Variants in CLK2 observed in about 807,000 individuals in gnomAD.
CLK2 encodes dual specificity protein kinase CLK2.
A neutral mutation model predicts 73.5 loss-of-function variants in CLK2; 12 were observed. The ratio of observed to expected loss-of-function variants is 0.16; its 90% CI spans 0.10 to 0.26. The LOEUF (loss-of-function observed/expected upper bound fraction) is 0.26. CLK2 is among the 10% of genes least tolerant of loss of function. The pLI is 1.00. For synonymous variants in CLK2, 232 were observed against 237.9 expected, an observed-to-expected ratio of 0.98 and a Z score of 0.23; for missense variants, 509 against 688.4, an observed-to-expected ratio of 0.74 and a Z score of 2.92.
chr1:155,265,566 C>CAAATAAATAAATAAATAAATAAAT lies in CLK2; in HGVS notation c.933+270_933+293dup, dbSNP rs374400975. ...TGGGCAACAGAGTGAGACTCTGTCT[C>CAAATAAATAAATAAATAAATAAAT]AAATAAATAAATAAATAAATAAATA... On this transcript the variant is annotated intron_variant, in intron 8 of 12. Coordinates refer to ENST00000368361, the MANE Select transcript of CLK2 (RefSeq NM_001294338.2). Among the ~76,000 whole-genome samples, 331 of 106,488 alleles carry CAAATAAATAAATAAATAAATAAAT rather than the reference C, an allele frequency of 3.1e-3. 1 individual carries two copies. The highest frequency in any genetic ancestry group is 4.7e-3 in the Non-Finnish European group (229 of 48,776). 69.9% of individuals were successfully genotyped at this position (106,488 alleles called of 152,430 possible). A position where few individuals can be genotyped will look rare whatever the true frequency, so the allele number is the denominator to read the frequency against.
chr1:155,270,347 G>A (rs1673438580), intron 2 of CLK2, among the ~76,000 whole-genome samples: 2 of 152,212 alleles, frequency 1.3e-5, no homozygotes, highest in South Asian at 4.1e-4. Flanking sequence ...ACTCCAGCCT[G>A]GGCAACAGAG....
chr1:155,269,066 C>CGGAGA, intron 3 of CLK2: 2 of 591,170 alleles, frequency 3.4e-6, no homozygotes, highest in Non-Finnish European at 6.0e-6. Flanking sequence ...GCCAATGTCA[C>CGGAGA]CCACAACCCC....
chr1:155,264,920 T>C (rs1166846304), intron 8 of CLK2, 146 bp from the exon 9 acceptor site: 2 of 867,710 alleles, frequency 2.3e-6, no homozygotes, highest in Non-Finnish European at 3.5e-6. Flanking sequence ...TTTTACAGCT[T>C]CCACCACATC....
In CLK2 at chr1:155,268,115, C is replaced by T. The variant is rs201284792; in HGVS notation, c.566G>A (p.Arg189Gln). Residue 189 changes from arginine to glutamine, a missense_variant, in exon 6 of 13, where the codon CGA becomes CAA. Coordinates refer to ENST00000368361, the MANE Select transcript of CLK2 (RefSeq NM_001294338.2). This position sits in a 1 kb window ranked among gnomAD's most constrained non-coding sequence, Gnocchi z 5.6. ...ATTCTTAATGATCTTCAGGGCAACT[C>T]GAGCCCCACCCCTGTAAGTTGGCAG... Reference protein sequence around the residue: ...QCVDHRRGGARVALKIIKNVE... With the variant: ...QCVDHRRGGAQVALKIIKNVE... 61 of 1,613,914 alleles carry T rather than the reference C, an allele frequency of 3.8e-5. No individual in the cohort carries two copies. Among genetic ancestry groups the T allele is most frequent in the Middle Eastern group, 3.3e-4 (2 of 6,084 alleles).
In CLK2 at chr1:155,268,135, T is replaced by C. The variant is rs1572017577; in HGVS notation, c.555-9A>G. The C allele has an allele frequency of 4.3e-6, 7 of 1,611,714 alleles. No individual in the cohort carries two copies. Among genetic ancestry groups the C allele is most frequent in the Non-Finnish European group, 5.9e-6 (7 of 1,177,766 alleles). ...CAACTCGAGCCCCACCCCTGTAAGT[T>C]GGCAGGAGAGGCTTTTGCTGGGTTC... On this transcript the variant is annotated splice_polypyrimidine_tract_variant and intron_variant, in intron 5 of 12. Coordinates refer to ENST00000368361, the MANE Select transcript of CLK2 (RefSeq NM_001294338.2). This position sits in a 1 kb window ranked among gnomAD's most constrained non-coding sequence, Gnocchi z 5.6.
intron 3 of CLK2, chr1:155,269,203 T>C (rs1390617541): frequency 5.1e-6 from 3 of 586,036 alleles, no homozygotes; most frequent in South Asian, 2.1e-5. Context: ...AAGGTCCCCA[T>C]TAAAGAGTGG....
chr1:155,270,673 T>C (rs1673451419), intron 2 of CLK2, 135 bp downstream of exon 2: 2 of 1,003,856 alleles, frequency 2.0e-6, no homozygotes, highest in African/African-American at 1.6e-5. Flanking sequence ...AAATGGCTTC[T>C]TTGGTTATCT....
In CLK2 at chr1:155,264,777, A is replaced by G. The variant is rs1673147472; in HGVS notation, c.934-3T>C. On this transcript the variant is annotated splice_polypyrimidine_tract_variant and splice_region_variant and intron_variant, in intron 8 of 12. Transcript: ENST00000368361. ...TTCACACTGCGCTCATCTCGCTTCT[A>G]GGAGCAGAGGAGAAAGAGGATGAAC... is the stretch of plus-strand genomic sequence containing the variant. 1.2e-6 allele frequency: 2 copies of G among 1,614,022 alleles called. No homozygotes were observed. The highest frequency in any genetic ancestry group is 2.7e-5 in the African/African-American group (2 of 75,062).
At chr1:155,263,459 C>T in intron 12 of CLK2, 59 bp from the exon 13 acceptor site, 1 of 1,591,582 alleles carries the variant, frequency 6.3e-7, no homozygotes, top group South Asian at 1.1e-5. Flanking sequence ...CTGCCTTCTT[C>T]AAGACCCTAC....
chr1:155,263,135 G>C lies in CLK2; in HGVS notation c.*83C>G, dbSNP rs533263043. 1.9e-4 allele frequency: 259 copies of C among 1,361,166 alleles called. 2 individuals are homozygous for C. In the Admixed American group the frequency reaches 6.2e-3, roughly 33 times the overall value. 84.3% of individuals were successfully genotyped at this position (1,361,166 alleles called of 1,614,324 possible). A position where few individuals can be genotyped will look rare whatever the true frequency, so the allele number is the denominator to read the frequency against. The stretch of plus-strand genomic sequence containing the variant: ...AGGAGGAAGGAGTGAACTCTGGCTC[G>C]TTCTCTTGTATAAAAAAGCACCAGT... On this transcript the variant is annotated 3_prime_UTR_variant, in exon 13 of 13. Coordinates refer to ENST00000368361, the MANE Select transcript of CLK2 (RefSeq NM_001294338.2).
Position 155,270,795 on chromosome 1 carries a change from C to A in CLK2, c.170+13G>T, listed in dbSNP as rs1673457280. 6 of 1,599,730 alleles carry A rather than the reference C, an allele frequency of 3.8e-6. No individual in the cohort carries two copies. Among genetic ancestry groups the A allele is most frequent in the Non-Finnish European group, 5.1e-6 (6 of 1,168,028 alleles). ...GTGACCCTGTGTTTGAGTATCTCTT[C>A]CTGAGGCCTCACCTTCGAGAACGGA... On this transcript the variant is annotated intron_variant, in intron 2 of 12. Coordinates refer to ENST00000368361, the MANE Select transcript of CLK2 (RefSeq NM_001294338.2).
chr1:155,263,438 C>T (rs201343633), intron 12 of CLK2, 38 bp from the exon 13 acceptor site: 2 of 1,607,908 alleles, frequency 1.2e-6, no homozygotes, highest in East Asian at 2.2e-5. Flanking sequence ...AGGCAGGATG[C>T]CTTACAAACC....
In CLK2 at chr1:155,273,453, G is replaced by A. The variant is rs1475270354; in HGVS notation, c.-253C>T. 4 of 150,786 alleles carry A rather than the reference G, an allele frequency of 2.7e-5. No homozygotes were observed. The highest frequency in any genetic ancestry group is 2.1e-4 in the South Asian group (1 of 4,790). 9.3% of individuals were successfully genotyped at this position (150,786 alleles called of 1,614,324 possible). A position where few individuals can be genotyped will look rare whatever the true frequency, so the allele number is the denominator to read the frequency against. On this transcript the variant is annotated 5_prime_UTR_variant, in exon 1 of 13. Transcript: ENST00000368361. Reference sequence around the variant, plus strand: ...GGGGCCCGATCCCAGCTCGGTCTCCGGCTCTGGCCTCTCCGCTCCGCCGCC... The same window carrying A: ...GGGGCCCGATCCCAGCTCGGTCTCCAGCTCTGGCCTCTCCGCTCCGCCGCC...
At chr1:155,270,481 C>T (rs1417677435) in intron 2 of CLK2, among the ~76,000 whole-genome samples, 1 of 152,228 alleles carries the variant, frequency 6.6e-6, no homozygotes, top group East Asian at 1.9e-4. Flanking sequence ...GTCCTTTGCA[C>T]ATGCTTTCCC....
intron 3 of CLK2, 53 bp downstream of exon 3, chr1:155,269,435 C>T: frequency 6.7e-7 from 1 of 1,493,630 alleles, no homozygotes; most frequent in Non-Finnish European, 9.3e-7. Flanking sequence ...TTACCAGAGT[C>T]CTAGAGGGCC....
At chr1:155,269,783 A>G in intron 2 of CLK2, 67 bp from the exon 3 acceptor site, 5 of 1,436,674 alleles carry the variant, frequency 3.5e-6, no homozygotes, top group Non-Finnish European at 3.9e-6. Flanking sequence ...ACCCTGTGAC[A>G]AGGTCCTGCC....
rs1314989986 is a variant in CLK2, at chr1:155,263,981, C to T, written c.1286G>A (p.Arg429His). 26 of 1,614,034 alleles carry T rather than the reference C, an allele frequency of 1.6e-5. No homozygotes were observed. In the Middle Eastern group the frequency reaches 4.9e-4, roughly 31 times the overall value. Residue 429 changes from arginine (R) to histidine (H), a missense_variant, in exon 12 of 13, where the codon CGC (arginine) becomes CAC (histidine). By Grantham distance (29) the Arg-to-His change is conservative. Transcript: ENST00000368361. ...LDWDENTSAG[R>H]YVRENCKPLR... ...CGGTTTGCAGTTCTCACGAACATAG[C>T]GCCCAGCTGATGTGTTCTCATCCCA...
intron 1 of CLK2, 93 bp from the exon 2 acceptor site, chr1:155,271,070 C>A: frequency 1.5e-6 from 2 of 1,301,278 alleles, no homozygotes; most frequent in East Asian, 2.3e-5. Flanking sequence ...AAGCTGCTTT[C>A]CCCTCTTATT....
intron 6 of CLK2, among the ~76,000 whole-genome samples, chr1:155,267,155 C>T (rs916152670): frequency 3.9e-5 from 6 of 152,088 alleles, no homozygotes; most frequent in Non-Finnish European, 7.4e-5. Flanking sequence ...AGTGCAGTGG[C>T]GCGATCTTGG....
Sources: allele counts gnomAD v4.1 joint callset (sites outside exome capture counted in the v4.1 genomes callset), GRCh38; gene constraint gnomAD v4.1.1; non-coding constraint Gnocchi (gnomAD v3.1); transcripts MANE v1.5; gene names NCBI Gene and HGNC (gene_info 2026-07-23, HGNC 2026-07-21).